The following TMC1 variants were observed in gnomAD, a reference collection of about 807,000 sequenced individuals.
TMC1 encodes transmembrane channel like 1, also known as transmembrane channel-like protein 1.
A neutral mutation model predicts 105.8 loss-of-function variants in TMC1; 84 were observed. The observed-to-expected ratio is 0.79, with a 90% confidence interval of 0.67 to 0.95. The LOEUF is 0.95. TMC1 is among the 40% of genes least tolerant of loss of function. The pLI is 0.00. For synonymous variants in TMC1, 315 were observed against 311.5 expected, an observed-to-expected ratio of 1.01 and a Z score of -0.12; for missense variants, 817 against 914.1, an observed-to-expected ratio of 0.89 and a Z score of 1.37.
chr9:72,827,089 G>T, intron 21 of TMC1, 95 bp downstream of exon 21: 1 of 1,523,354 alleles, frequency 6.6e-7, no homozygotes. Context: ...CTCTCCCTAA[G>T]GGTTCTGCTG....
intron 1 of TMC1, among the ~76,000 whole-genome samples, chr9:72,529,524 A>C (rs1398567470): frequency 6.6e-6 from 1 of 152,158 alleles, no homozygotes; most frequent in African/African-American, 2.4e-5. Context: ...GTGTGTATAT[A>C]CATATGTGTT....
At chr9:72,712,547 C>G (rs1826853401) in intron 8 of TMC1, among the ~76,000 whole-genome samples, 1 of 152,114 alleles carries the variant, frequency 6.6e-6, no homozygotes, top group South Asian at 2.1e-4. Context: ...TGGGAGTTCA[C>G]TCATGATTTG....
At chr9:72,661,674 C>G (rs1825971532) in intron 5 of TMC1, among the ~76,000 whole-genome samples, 2 of 152,062 alleles carry the variant, frequency 1.3e-5, no homozygotes, top group African/African-American at 4.8e-5. Flanking sequence ...TGACTACTGA[C>G]CACTTTTTTC....
intron 21 of TMC1, among the ~76,000 whole-genome samples, chr9:72,829,278 G>A (rs541983409): frequency 2.6e-5 from 4 of 152,194 alleles, no homozygotes; most frequent in African/African-American, 7.2e-5. Flanking sequence ...GATGGCTTTC[G>A]GGTATCTAAG....
At chr9:72,534,608 TCC>T (rs774945086) in intron 1 of TMC1, among the ~76,000 whole-genome samples, 5 of 152,150 alleles carry the variant, frequency 3.3e-5, no homozygotes, top group Non-Finnish European at 4.4e-5. Flanking sequence ...TATAGAAAAA[TCC>T]CAGATATTTC....
intron 23 of TMC1, among the ~76,000 whole-genome samples, chr9:72,834,125 T>G (rs896481978): frequency 2.6e-5 from 4 of 152,160 alleles, no homozygotes; most frequent in Non-Finnish European, 4.4e-5. Context: ...ATCTTTAAAT[T>G]TTAACATTTC....
chr9:72,526,037 C>T (rs1823402510), intron 1 of TMC1, among the ~76,000 whole-genome samples: 1 of 151,906 alleles, frequency 6.6e-6, no homozygotes. Context: ...CATTATTGCA[C>T]AGAGTGTCAT....
At chr9:72,805,999 C>G (rs188631871) in intron 18 of TMC1, among the ~76,000 whole-genome samples, 1 of 151,436 alleles carries the variant, frequency 6.6e-6, no homozygotes, top group Non-Finnish European at 1.5e-5. Flanking sequence ...CCACCTTTCC[C>G]GCCTTTCTAT....
In TMC1 at chr9:72,837,932, A is replaced by C. The variant is rs1829151890; in HGVS notation, c.*1959A>C. On this transcript the variant is annotated 3_prime_UTR_variant, in exon 24 of 24. Transcript: ENST00000297784. ...GATTCCTTGGGCTCTTATGTCTGTA[A>C]TTCAGAGTCTATTATTTATATTGAT... The C allele has an allele frequency of 2.0e-5, 3 of 152,158 alleles. No homozygotes were observed. The highest frequency in any genetic ancestry group is 2.9e-5 in the Non-Finnish European group (2 of 68,030). 9.4% of individuals were successfully genotyped at this position (152,158 alleles called of 1,614,324 possible).
At chr9:72,597,746 A>G (rs914824321) in intron 2 of TMC1, among the ~76,000 whole-genome samples, 1 of 152,206 alleles carries the variant, frequency 6.6e-6, no homozygotes. Context: ...ACAACCGCGT[A>G]CTAATACAAC....
intron 1 of TMC1, among the ~76,000 whole-genome samples, chr9:72,522,159 T>TTTTGTTTTC (rs1464439888): frequency 1.3e-5 from 2 of 151,780 alleles, no homozygotes; most frequent in Non-Finnish European, 2.9e-5. Flanking sequence ...GATAAGTTTT[T>TTTTGTTTTC]TTTTTTTTGA....
At chr9:72,795,932 G>A (rs893776986) in intron 17 of TMC1, among the ~76,000 whole-genome samples, 5 of 150,906 alleles carry the variant, frequency 3.3e-5, no homozygotes, top group African/African-American at 4.9e-5. Context: ...ACACCCACAC[G>A]CTAAAAATAA....
chr9:72,816,289 G>C, intron 19 of TMC1, 79 bp downstream of exon 19: 1 of 1,363,730 alleles, frequency 7.3e-7, no homozygotes, highest in Non-Finnish European at 1.0e-6. Flanking sequence ...GAATCCTGGT[G>C]TTAGAGGAGA....
intron 8 of TMC1, among the ~76,000 whole-genome samples, chr9:72,714,894 G>A (rs373280767): frequency 6.6e-5 from 10 of 152,226 alleles, no homozygotes; most frequent in South Asian, 2.1e-4. Flanking sequence ...TTTTTGCAGC[G>A]GCTGGTACTA....
At chr9:72,684,694 C>T (rs1026943145) in intron 5 of TMC1, among the ~76,000 whole-genome samples, 1 of 152,176 alleles carries the variant, frequency 6.6e-6, no homozygotes, top group Non-Finnish European at 1.5e-5. Context: ...CTAGACAGCA[C>T]CTGAAATCCA....
intron 5 of TMC1, among the ~76,000 whole-genome samples, chr9:72,657,284 C>T (rs1825899795): frequency 6.6e-6 from 1 of 152,196 alleles, no homozygotes; most frequent in African/African-American, 2.4e-5. Flanking sequence ...CAGGCAACAT[C>T]GGGGTCATCT....
intron 6 of TMC1, among the ~76,000 whole-genome samples, chr9:72,691,450 G>A (rs1416968898): frequency 1.3e-5 from 2 of 152,136 alleles, no homozygotes; most frequent in Non-Finnish European, 2.9e-5. Context: ...TCAGGAGAAG[G>A]ATTAGCCTTG....
At chr9:72,764,669 A>G (rs531615004) in intron 12 of TMC1, among the ~76,000 whole-genome samples, 28 of 152,200 alleles carry the variant, frequency 1.8e-4, no homozygotes, top group Non-Finnish European at 3.8e-4. Context: ...AGAGCAGAAG[A>G]ATAAAAAAAG....
chr9:72,640,325 T>C (rs1252151587), intron 4 of TMC1, among the ~76,000 whole-genome samples: 1 of 152,224 alleles, frequency 6.6e-6, no homozygotes, highest in Non-Finnish European at 1.5e-5. Flanking sequence ...AATTTTATGG[T>C]CGCCAATCCT....
Sources: allele counts gnomAD v4.1 joint callset (sites outside exome capture counted in the v4.1 genomes callset), GRCh38; gene constraint gnomAD v4.1.1; transcripts MANE v1.5; gene names NCBI Gene and HGNC (gene_info 2026-07-23, HGNC 2026-07-21).